The following DDX23 variants were observed in gnomAD, a reference collection of about 807,000 sequenced individuals.
The protein encoded by DDX23 is probable ATP-dependent RNA helicase DDX23.
A neutral mutation model predicts 102.7 loss-of-function variants in DDX23; 33 were observed. That is an observed-to-expected ratio of 0.32 (90% confidence interval 0.24 to 0.43). The LOEUF (loss-of-function observed/expected upper bound fraction) is 0.43, where lower values mean the gene tolerates loss of function less well. Among genes scored for constraint, DDX23 ranks in the 20% least tolerant of loss-of-function variants. The pLI, the probability that DDX23 is intolerant of heterozygous loss-of-function variation, is 1.00. For missense variants in DDX23, 549 were observed against 1,086.6 expected (o/e 0.51, Z 6.96); for synonymous variants, 352 against 376.0 (o/e 0.94, Z 0.74).
intron 3 of DDX23, among the ~76,000 whole-genome samples, chr12:48,843,524 A>C (rs1323923425): frequency 6.6e-6 from 1 of 151,034 alleles, no homozygotes; most frequent in Non-Finnish European, 1.5e-5. Context: ...GAATCTGTTA[A>C]GAGAAATCTA....
Position 48,833,175 on chromosome 12 carries a change from G to C in DDX23, c.1803+102C>G, listed in dbSNP as rs1292593850. On this transcript the variant is annotated intron_variant, in intron 13 of 16. Coordinates refer to ENST00000308025, the MANE Select transcript of DDX23 (RefSeq NM_004818.3). ...AATTTTTTAAATTTTTGTAGAGACG[G>C]AGTTTCGCCATGTTGCCCAGGCTGG... 5.9e-6 allele frequency: 9 copies of C among 1,533,248 alleles called. No homozygotes were observed. The African/African-American group carries it at 1.2e-4, about 21-fold the overall frequency. The allele number at this position is 1,533,248 out of a possible 1,614,324, so 95.0% of individuals were successfully genotyped here.
chr12:48,839,752 G>A, intron 5 of DDX23, 92 bp downstream of exon 5: 4 of 1,333,464 alleles, frequency 3.0e-6, no homozygotes, highest in South Asian at 2.5e-5. Context: ...CCAGAACTGT[G>A]AGAAAATTAA....
At chr12:48,848,291 CA>C (rs1412511704) in intron 1 of DDX23, among the ~76,000 whole-genome samples, 6 of 141,650 alleles carry the variant, frequency 4.2e-5, no homozygotes, top group African/African-American at 1.5e-4. Flanking sequence ...GTCTCAAAAA[CA>C]AAACAAAACA....
At chr12:48,833,647 T>G in intron 12 of DDX23, 128 bp from the exon 13 acceptor site, 2 of 1,224,174 alleles carry the variant, frequency 1.6e-6, no homozygotes, top group East Asian at 2.3e-5. Flanking sequence ...TCTGGTTATG[T>G]TTAGCAGTAA....
intron 5 of DDX23, 85 bp from the exon 6 acceptor site, chr12:48,838,165 A>G (rs746882141): frequency 3.5e-5 from 55 of 1,584,246 alleles, no homozygotes; most frequent in Non-Finnish European, 4.2e-5. Flanking sequence ...AGGGAACCCA[A>G]AAGTATTTGC....
At chr12:48,842,723 G>A (rs1173744906) in intron 3 of DDX23, among the ~76,000 whole-genome samples, 4 of 151,646 alleles carry the variant, frequency 2.6e-5, no homozygotes, top group Non-Finnish European at 1.5e-5. Flanking sequence ...GGAGGTGAGG[G>A]GCGCCTCTGC....
rs368500113 is a variant in DDX23 at position 48,830,630 on chromosome 12, G to A, written c.2302C>T (p.Leu768Phe). 2 of 1,614,030 alleles carry A rather than the reference G, an allele frequency of 1.2e-6. No individual in the cohort carries two copies. The highest frequency in any genetic ancestry group is 1.7e-6 in the Non-Finnish European group (2 of 1,180,016). The change falls in exon 17 of 17, where the codon CTC becomes TTC. Residue 768 changes from leucine (L) to phenylalanine (F), a missense_variant. Physicochemically the swap from Leu to Phe is conservative, Grantham distance 22 (BLOSUM62 0). This residue lies in a region of DDX23 where 38 missense variants were observed against 94.5 expected (regional missense o/e 0.40). Transcript: ENST00000308025. The surrounding 1 kb of genome is among the most constrained non-coding windows in gnomAD (Gnocchi z 4.9). Reference protein sequence around the residue: ...AGKSGVAITFLTKEDSAVFYE... With the variant: ...AGKSGVAITFFTKEDSAVFYE... ...AACACAGCAGAGTCCTCTTTTGTGA[G>A]GAAGGTGATGGCCACCCCACTCTTG...
In DDX23 at chr12:48,829,761, G is replaced by C. The variant is rs1411623265; in HGVS notation, c.*708C>G. On this transcript the variant is annotated 3_prime_UTR_variant, in exon 17 of 17. Transcript: ENST00000308025. ...AGTTTAACTAGAACTAGATCTAACA[G>C]TCTTAATATTCATGTATTTATTCTC... 5.0e-6 allele frequency: 1 copy of C among 198,916 alleles called. No homozygotes were observed. Among genetic ancestry groups the C allele is most frequent in the Non-Finnish European group, 1.0e-5 (1 of 96,090 alleles). 12.3% of individuals were successfully genotyped at this position (198,916 alleles called of 1,614,324 possible).
At chr12:48,842,155 C>T (rs1938567154) in intron 3 of DDX23, among the ~76,000 whole-genome samples, 1 of 151,792 alleles carries the variant, frequency 6.6e-6, no homozygotes, top group African/African-American at 2.4e-5. Flanking sequence ...CCGGCAGCCA[C>T]CCCGTCCGGG....
intron 1 of DDX23, among the ~76,000 whole-genome samples, chr12:48,850,771 G>C (rs946840413): frequency 1.3e-5 from 2 of 152,202 alleles, no homozygotes; most frequent in African/African-American, 4.8e-5. Flanking sequence ...TACCACCGAA[G>C]TGGAGAGGGA....
chr12:48,844,014 C>T lies in DDX23; in HGVS notation c.246G>A (p.Glu82=), dbSNP rs756597836. 2 of 1,614,144 alleles carry T rather than the reference C, an allele frequency of 1.2e-6. No individual in the cohort carries two copies. Among genetic ancestry groups the T allele is most frequent in the Non-Finnish European group, 1.7e-6 (2 of 1,180,020 alleles). ...CTCGGTCCTTCTTATTCCGATCCCG[C>T]TCCTTATCTCGTTCTCGTTCTTTGT... The part of the protein sequence containing the change: ...RRHKERERDK[E]RDRNKKDRDR... Residue 82 remains glutamate (E), a synonymous_variant, in exon 3 of 17, where the codon GAG becomes GAA. Transcript: ENST00000308025.
In DDX23 at chr12:48,845,610, C is replaced by T. The variant is rs146180010; in HGVS notation, c.173G>A (p.Arg58His). Residue 58 changes from arginine (R) to histidine (H), a missense_variant, in exon 2 of 17, where the codon CGT (arginine) becomes CAT (histidine). Physicochemically the swap from Arg to His is conservative, Grantham distance 29. Coordinates refer to ENST00000308025, the MANE Select transcript of DDX23 (RefSeq NM_004818.3). ...TTTGGAACGGGAACGAGAGCGAGAA[C>T]GGCTGCCTCCTCGACGTCTATCCCT... The part of the protein sequence containing the change: ...RSRDRRRGGS[R>H]SRSRSRSKSA... 2.2e-5 allele frequency: 36 copies of T among 1,614,096 alleles called. No homozygotes were observed. Among genetic ancestry groups the T allele is most frequent in the Middle Eastern group, 3.3e-4 (2 of 6,084 alleles).
rs374638898 is a variant in DDX23 at position 48,842,323 on chromosome 12, C to T, written c.320+1617G>A. Among the ~76,000 whole-genome samples the T allele has an allele frequency of 6.0e-5, 8 of 133,450 alleles. No homozygotes were observed. In the South Asian group the frequency reaches 7.3e-4, roughly 12 times the overall value. 87.5% of individuals were successfully genotyped at this position (133,450 alleles called of 152,430 possible). On this transcript the variant is annotated intron_variant, in intron 3 of 16. Coordinates refer to ENST00000308025, the MANE Select transcript of DDX23 (RefSeq NM_004818.3). The stretch of plus-strand genomic sequence containing the variant: ...GCCGCCCTGTCCGGGAGGTGAGGGG[C>T]GCCTCTGCCCGGCCGCCCCTACTGG...
At chr12:48,842,689 C>T (rs1938585968) in intron 3 of DDX23, among the ~76,000 whole-genome samples, 1 of 150,676 alleles carries the variant, frequency 6.6e-6, no homozygotes, top group Admixed American at 6.6e-5. Context: ...GGTCAGCCCC[C>T]CGCCCGGCCA....
At chr12:48,831,054 C>A (rs1938378815) in intron 16 of DDX23, 88 bp downstream of exon 16, 1 of 1,477,060 alleles carries the variant, frequency 6.8e-7, no homozygotes, top group African/African-American at 1.4e-5. Flanking sequence ...CAGTAACAGC[C>A]TTCCATGGAC....
intron 1 of DDX23, among the ~76,000 whole-genome samples, chr12:48,849,225 G>A (rs923135048): frequency 1.3e-5 from 2 of 152,094 alleles, no homozygotes; most frequent in Non-Finnish European, 2.9e-5. Flanking sequence ...GGCCAGGCCT[G>A]GTGGCTCATG....
intron 1 of DDX23, among the ~76,000 whole-genome samples, chr12:48,848,003 A>T (rs1938695523): frequency 3.3e-5 from 5 of 150,966 alleles, no homozygotes; most frequent in Admixed American, 3.3e-4. Context: ...ACAAAGTCTC[A>T]TGCTGGGCGT....
intron 1 of DDX23, 43 bp from the exon 2 acceptor site, chr12:48,845,825 C>T (rs1418495138): frequency 6.3e-7 from 1 of 1,586,236 alleles, no homozygotes; most frequent in East Asian, 2.3e-5. Flanking sequence ...CTAGGCACTG[C>T]TCTAAACTGC....
intron 2 of DDX23, 77 bp from the exon 3 acceptor site, chr12:48,844,127 T>A: frequency 7.6e-7 from 1 of 1,308,260 alleles, no homozygotes; most frequent in Non-Finnish European, 1.1e-6. Context: ...AGAAAGTTCC[T>A]ATACTCTCGT....
Sources: allele counts gnomAD v4.1 joint callset (sites outside exome capture counted in the v4.1 genomes callset), GRCh38; gene constraint gnomAD v4.1.1; regional missense constraint gnomAD v4.1.1; non-coding constraint Gnocchi (gnomAD v3.1); transcripts MANE v1.5; gene names NCBI Gene and HGNC (gene_info 2026-07-23, HGNC 2026-07-21).